The following EYS variants were observed in gnomAD, a reference collection of about 807,000 sequenced individuals.
EYS encodes the protein protein eyes shut homolog.
In EYS, 250 loss-of-function variants were observed where a neutral mutation model predicts 282.1. That is an observed-to-expected ratio of 0.89 (90% CI 0.80 to 0.98). The LOEUF is 0.98. EYS is among the 50% of genes least tolerant of loss of function. The pLI, the probability that EYS is intolerant of heterozygous loss-of-function variation, is 0.00. For synonymous variants in EYS, 1,355 were observed against 1,282.9 expected, an observed-to-expected ratio of 1.06 and a Z score of -1.20; for missense variants, 4,016 against 3,709.0, an observed-to-expected ratio of 1.08 and a Z score of -2.15.
intron 2 of EYS, among the ~76,000 whole-genome samples, chr6:65,560,247 A>G (rs972201777): frequency 4.8e-5 from 7 of 145,244 alleles, no homozygotes; most frequent in African/African-American, 1.2e-4. Context: ...ATAATTATAT[A>G]CAATTATTAT....
At chr6:65,568,765 C>A (rs1764371754) in intron 2 of EYS, among the ~76,000 whole-genome samples, 1 of 152,046 alleles carries the variant, frequency 6.6e-6, no homozygotes, top group Admixed American at 6.6e-5. Context: ...TTCTAATTGA[C>A]AAAAGTTACT....
chr6:65,515,099 C>A (rs1047448973), intron 2 of EYS, among the ~76,000 whole-genome samples: 8 of 151,858 alleles, frequency 5.3e-5, no homozygotes, highest in African/African-American at 1.7e-4. Flanking sequence ...TACAACAAAA[C>A]AACAAACAAC....
chr6:63,945,402 G>A (rs1262906875), intron 35 of EYS, among the ~76,000 whole-genome samples: 2 of 152,044 alleles, frequency 1.3e-5, no homozygotes, highest in Admixed American at 6.6e-5. Context: ...TGGAGATTAT[G>A]GGAACTACCA....
chr6:64,580,185 G>T (rs1737905407), intron 26 of EYS, among the ~76,000 whole-genome samples: 1 of 151,974 alleles, frequency 6.6e-6, no homozygotes, highest in South Asian at 2.1e-4. Flanking sequence ...CAGCCTTTCT[G>T]GGATCTCCAT....
At chr6:64,309,151 G>T (rs1418357641) in intron 29 of EYS, among the ~76,000 whole-genome samples, 1 of 151,990 alleles carries the variant, frequency 6.6e-6, no homozygotes, top group Non-Finnish European at 1.5e-5. Context: ...TGGCATAAAA[G>T]TATGTTTACA....
intron 26 of EYS, among the ~76,000 whole-genome samples, chr6:64,453,489 C>T (rs1775439820): frequency 6.6e-6 from 1 of 152,166 alleles, no homozygotes; most frequent in Admixed American, 6.5e-5. Context: ...CCATTTGACC[C>T]TGCCATCCCA....
intron 12 of EYS, among the ~76,000 whole-genome samples, chr6:65,245,534 CTTA>C (rs977676732): frequency 3.3e-5 from 5 of 151,938 alleles, no homozygotes; most frequent in African/African-American, 1.2e-4. Context: ...GCCACCTCAG[CTTA>C]TTATTCTCAT....
At chr6:64,045,666 C>T (rs1206450273) in intron 33 of EYS, among the ~76,000 whole-genome samples, 9 of 150,742 alleles carry the variant, frequency 6.0e-5, no homozygotes, top group Admixed American at 6.0e-4. Context: ...AGTCTAGTCT[C>T]AAACTCCTGA....
At chr6:65,653,189 T>A (rs1265112114) in intron 1 of EYS, among the ~76,000 whole-genome samples, 1 of 151,916 alleles carries the variant, frequency 6.6e-6, no homozygotes, top group African/African-American at 2.4e-5. Flanking sequence ...TATCTGTGCC[T>A]ACCTTTGTCC....
intron 12 of EYS, among the ~76,000 whole-genome samples, chr6:65,186,164 A>G (rs1205481738): frequency 6.6e-6 from 1 of 151,762 alleles, no homozygotes. Context: ...GATATATTAG[A>G]TAACTTAACT....
chr6:65,611,596 G>A (rs921825398), intron 2 of EYS, among the ~76,000 whole-genome samples: 5 of 152,026 alleles, frequency 3.3e-5, no homozygotes, highest in Admixed American at 2.0e-4. Flanking sequence ...ATCAGAGACA[G>A]TTAAATATTA....
chr6:65,106,464 C>T (rs2150186134), intron 12 of EYS, among the ~76,000 whole-genome samples: 1 of 152,020 alleles, frequency 6.6e-6, no homozygotes, highest in African/African-American at 2.4e-5. Context: ...TAACTTTGTT[C>T]TGTTGTTATC....
intron 21 of EYS, 61 bp downstream of exon 21, chr6:64,821,584 T>A: frequency 1.1e-6 from 1 of 874,350 alleles, no homozygotes; most frequent in Non-Finnish European, 1.8e-6. Context: ...CAGCAAGCAA[T>A]TTGATTTTTC....
At chr6:65,575,495 G>C (rs936897284) in intron 2 of EYS, among the ~76,000 whole-genome samples, 6 of 151,508 alleles carry the variant, frequency 4.0e-5, no homozygotes, top group African/African-American at 1.5e-4. Flanking sequence ...AAAAGGAAAA[G>C]ATCCCAGATA....
At chr6:63,989,965 C>T (rs1008792599) in intron 34 of EYS, among the ~76,000 whole-genome samples, 3 of 151,286 alleles carry the variant, frequency 2.0e-5, no homozygotes, top group Non-Finnish European at 4.4e-5. Context: ...ATATTTGATT[C>T]TTAAGGCTTT....
intron 41 of EYS, among the ~76,000 whole-genome samples, chr6:63,737,146 G>A (rs1399474478): frequency 6.6e-6 from 1 of 151,770 alleles, no homozygotes; most frequent in Non-Finnish European, 1.5e-5. Context: ...TGGTGAGAGA[G>A]GGCATCCCTG....
At chr6:64,971,050 A>G (rs1770276889) in intron 14 of EYS, among the ~76,000 whole-genome samples, 1 of 152,202 alleles carries the variant, frequency 6.6e-6, no homozygotes, top group African/African-American at 2.4e-5. Flanking sequence ...AATGCAAGAA[A>G]AAGCAAAATC....
intron 14 of EYS, among the ~76,000 whole-genome samples, chr6:64,990,880 T>C (rs1227480668): frequency 1.3e-5 from 2 of 151,562 alleles, no homozygotes; most frequent in African/African-American, 4.8e-5. Context: ...TTTTCTCAGG[T>C]TCTGTTTGCT....
At chr6:64,004,592 G>A (rs1768253723) in intron 33 of EYS, among the ~76,000 whole-genome samples, 1 of 151,854 alleles carries the variant, frequency 6.6e-6, no homozygotes, top group African/African-American at 2.4e-5. Context: ...TAGTCTTTTT[G>A]ACTGTCATCA....
Sources: allele counts gnomAD v4.1 joint callset (sites outside exome capture counted in the v4.1 genomes callset), GRCh38; gene constraint gnomAD v4.1.1; transcripts MANE v1.5; gene names NCBI Gene and HGNC (gene_info 2026-07-23, HGNC 2026-07-21).